WIPF1: variants seen among roughly 807,000 people sequenced by gnomAD.
WIPF1 encodes the protein WAS/WASL-interacting protein family member 1.
Under a neutral mutation model 35.4 loss-of-function variants are expected in WIPF1, and 13 were observed. The ratio of observed to expected loss-of-function variants is 0.37; its 90% CI spans 0.24 to 0.58. The LOEUF (loss-of-function observed/expected upper bound fraction) is 0.58. Among genes scored for constraint, WIPF1 ranks in the 20% least tolerant of loss-of-function variants. The pLI is 0.74. For synonymous variants in WIPF1, 267 were observed against 266.3 expected (o/e 1.00, Z -0.02); for missense variants, 591 against 667.0 (o/e 0.89, Z 1.25).
chr2:174,671,295 A>C (rs1396986289), intron 1 of WIPF1, among the ~76,000 whole-genome samples: 3 of 152,222 alleles, frequency 2.0e-5, no homozygotes, highest in African/African-American at 4.8e-5. Flanking sequence ...TCACTTCCCC[A>C]ATCAATACTC....
In WIPF1 at chr2:174,571,980, G is replaced by A; in HGVS notation, c.825C>T (p.Pro275=). The part of the protein sequence containing the change: ...PPPPPPVGNR[P]SIHREAVPPP... ...GGGGAACCGCTTCCCTGTGGATGGAGGGCCTGTTGCCCACTGGAGGAGGTG... is the reference window on the plus strand; with the variant it reads ...GGGGAACCGCTTCCCTGTGGATGGAAGGCCTGTTGCCCACTGGAGGAGGTG... Residue 275 remains proline (P), a synonymous_variant, in exon 5 of 8, where the codon CCC becomes CCT. Transcript: ENST00000679041. The surrounding 1 kb of genome is among the most constrained non-coding windows in gnomAD (Gnocchi z 4.6). 1 of 1,558,376 alleles carries A rather than the reference G, an allele frequency of 6.4e-7. No homozygotes were observed. The highest frequency in any genetic ancestry group is 1.4e-5 in the African/African-American group (1 of 73,292).
chr2:174,646,872 C>A (rs1296991085), intron 1 of WIPF1, among the ~76,000 whole-genome samples: 3 of 152,176 alleles, frequency 2.0e-5, no homozygotes, highest in African/African-American at 7.2e-5. Flanking sequence ...ACCTCCGCCT[C>A]CCAAAGTGCT....
chr2:174,652,730 T>G (rs1279356751), intron 1 of WIPF1, among the ~76,000 whole-genome samples: 1 of 150,618 alleles, frequency 6.6e-6, no homozygotes, highest in Non-Finnish European at 1.5e-5. Context: ...GGTAAGTCAG[T>G]GGAAGTACTG....
At chr2:174,579,394 A>G (rs1685165154) in intron 3 of WIPF1, among the ~76,000 whole-genome samples, 1 of 152,204 alleles carries the variant, frequency 6.6e-6, no homozygotes. Context: ...TTTTTTCAGT[A>G]ATTAAACTGT....
intron 1 of WIPF1, among the ~76,000 whole-genome samples, chr2:174,668,776 C>A (rs1478202370): frequency 6.6e-6 from 1 of 152,230 alleles, no homozygotes; most frequent in African/African-American, 2.4e-5. Flanking sequence ...AACAGAGGGA[C>A]ATGAACAACA....
intron 3 of WIPF1, among the ~76,000 whole-genome samples, chr2:174,577,732 T>A (rs1046612867): frequency 6.6e-6 from 1 of 152,040 alleles, no homozygotes; most frequent in Non-Finnish European, 1.5e-5. Context: ...TCAGGACCAG[T>A]CTGAGCAATA....
At chr2:174,657,713 T>C (rs1687672861) in intron 1 of WIPF1, among the ~76,000 whole-genome samples, 1 of 151,786 alleles carries the variant, frequency 6.6e-6, no homozygotes, top group South Asian at 2.1e-4. Context: ...ACCAACATGG[T>C]GAAACCCCAT....
At chr2:174,580,761 CT>C (rs1685210916) in intron 3 of WIPF1, among the ~76,000 whole-genome samples, 1 of 152,210 alleles carries the variant, frequency 6.6e-6, no homozygotes, top group African/African-American at 2.4e-5. Context: ...ACCTCATTTT[CT>C]TTCTCTCTAA....
chr2:174,651,393 A>G (rs1314618805), intron 1 of WIPF1, among the ~76,000 whole-genome samples: 2 of 152,244 alleles, frequency 1.3e-5, no homozygotes, highest in African/African-American at 4.8e-5. Flanking sequence ...CACCGAGCAA[A>G]GTTGTTGTTT....
chr2:174,635,324 T>C (rs1329293963), intron 1 of WIPF1, among the ~76,000 whole-genome samples: 1 of 152,164 alleles, frequency 6.6e-6, no homozygotes, highest in African/African-American at 2.4e-5. Flanking sequence ...TCCTCCAGGA[T>C]GGTGCTGGGT....
At chr2:174,657,910 CAAAA>C (rs56717056) in intron 1 of WIPF1, among the ~76,000 whole-genome samples, 4 of 96,038 alleles carry the variant, frequency 4.2e-5, no homozygotes, top group African/African-American at 4.2e-5. Context: ...AACTCTGTCT[CAAAA>C]AAAAAAAAAA....
intron 3 of WIPF1, among the ~76,000 whole-genome samples, chr2:174,576,179 C>T (rs913508659): frequency 7.2e-6 from 1 of 139,120 alleles, no homozygotes; most frequent in Non-Finnish European, 1.5e-5. Context: ...GAGAGGATCA[C>T]TTGAACCCAC....
chr2:174,616,562 G>A (rs991928045), intron 1 of WIPF1, among the ~76,000 whole-genome samples: 2 of 152,132 alleles, frequency 1.3e-5, no homozygotes, highest in Non-Finnish European at 2.9e-5. Context: ...TAAAGCACTT[G>A]TTTGTCAAGC....
At chr2:174,589,945 A>AGTG (rs2105852884) in intron 1 of WIPF1, among the ~76,000 whole-genome samples, 2 of 152,276 alleles carry the variant, frequency 1.3e-5, no homozygotes, top group East Asian at 3.9e-4. Context: ...TGGGACTGGG[A>AGTG]GTGGTGACTT....
intron 1 of WIPF1, among the ~76,000 whole-genome samples, chr2:174,618,747 C>G (rs1381329934): frequency 2.6e-5 from 4 of 152,158 alleles, no homozygotes; most frequent in Non-Finnish European, 5.9e-5. Context: ...AATTTAAGCT[C>G]AAGTGGTCTG....
chr2:174,598,621 C>T (rs919922320), upstream of WIPF1, among the ~76,000 whole-genome samples: 1 of 152,094 alleles, frequency 6.6e-6, no homozygotes, highest in African/African-American at 2.4e-5. Flanking sequence ...TACTTGGCAG[C>T]AAATGAGTTT....
chr2:174,643,592 A>T (rs1215745347), intron 1 of WIPF1, among the ~76,000 whole-genome samples: 1 of 148,894 alleles, frequency 6.7e-6, no homozygotes, highest in East Asian at 1.9e-4. Context: ...TTGTATTTTT[A>T]GTAGAGCCGG....
chr2:174,575,151 T>C, intron 4 of WIPF1, 53 bp downstream of exon 4: 1 of 1,559,736 alleles, frequency 6.4e-7, no homozygotes, highest in Non-Finnish European at 8.7e-7. Flanking sequence ...GCCTCCAAAC[T>C]GCCAAACTCT....
At chr2:174,630,758 C>T (rs539227233) in intron 1 of WIPF1, 1 of 152,280 alleles carries the variant, frequency 6.6e-6, no homozygotes, top group East Asian at 1.9e-4. Flanking sequence ...ACAACATCTC[C>T]AGCAAAAGAA....
Sources: gnomAD v4.1 joint callset for allele counts (sites outside exome capture counted in the v4.1 genomes callset) on GRCh38, gnomAD v4.1.1 for gene constraint, Gnocchi (gnomAD v3.1) non-coding constraint, MANE v1.5 for transcripts, NCBI Gene and HGNC (gene_info 2026-07-23, HGNC 2026-07-21) for gene names.